The following FCHO2 variants were observed in gnomAD, a reference collection of about 807,000 sequenced individuals.
FCHO2 encodes F-BAR domain only protein 2.
Under a neutral mutation model 114.1 loss-of-function variants are expected in FCHO2, and 43 were observed. That is an observed-to-expected ratio of 0.38 (90% confidence interval 0.30 to 0.49). The LOEUF is 0.49. FCHO2 is among the 20% of genes least tolerant of loss of function. FCHO2 has a pLI of 0.97. For missense variants in FCHO2, 807 were observed against 950.4 expected (o/e 0.85, Z 1.98); for synonymous variants, 293 against 315.2 (o/e 0.93, Z 0.75).
At chr5:73,077,284 T>C (rs1246043856) in intron 20 of FCHO2, 54 bp from the exon 21 acceptor site, 1 of 1,508,026 alleles carries the variant, frequency 6.6e-7, no homozygotes, top group Non-Finnish European at 8.9e-7. Context: ...ACCAAATACT[T>C]TAAATAGAGA....
chr5:73,005,290 A>G (rs937594235), intron 5 of FCHO2, among the ~76,000 whole-genome samples: 1 of 152,156 alleles, frequency 6.6e-6, no homozygotes, highest in Non-Finnish European at 1.5e-5. Context: ...GGCTAAAGAT[A>G]ATTACATATT....
intron 18 of FCHO2, among the ~76,000 whole-genome samples, chr5:73,065,872 T>G (rs1742295741): frequency 6.6e-6 from 1 of 151,956 alleles, no homozygotes; most frequent in African/African-American, 2.4e-5. Context: ...CAGGTAATTT[T>G]TCTACCCTTA....
chr5:73,082,237 G>A (rs1247088472), intron 23 of FCHO2, among the ~76,000 whole-genome samples: 1 of 148,582 alleles, frequency 6.7e-6, no homozygotes, highest in East Asian at 2.0e-4. Context: ...CCATTAGGCA[G>A]AGTGCTTGAC....
At chr5:73,026,980 C>T (rs1489673969) in intron 8 of FCHO2, among the ~76,000 whole-genome samples, 4 of 150,494 alleles carry the variant, frequency 2.7e-5, no homozygotes, top group Non-Finnish European at 5.9e-5. Context: ...GTGTGAACCA[C>T]GGCACCTGGC....
At chr5:73,029,790 G>A (rs1756132124) in intron 8 of FCHO2, among the ~76,000 whole-genome samples, 1 of 152,054 alleles carries the variant, frequency 6.6e-6, no homozygotes, top group Non-Finnish European at 1.5e-5. Flanking sequence ...GATCTTGTGT[G>A]AAATAACTTA....
At position 73,008,459 on chromosome 5, in the gene FCHO2, A is replaced by C. The variant is rs553149124; in HGVS notation, c.600+1910A>C. On this transcript the variant is annotated intron_variant, in intron 6 of 25. Coordinates refer to ENST00000430046, the MANE Select transcript of FCHO2 (RefSeq NM_138782.3). ...ATCCCTTCCAGGTTTTAGCTTGTTA[A>C]ATCTATGTGGAGAGAGATGAATGGG... Among the ~76,000 whole-genome samples, 24 of 152,288 alleles carry C rather than the reference A, an allele frequency of 1.6e-4. 1 individual carries two copies. The South Asian group carries it at 4.8e-3, about 30-fold the overall frequency.
At chr5:73,076,855 T>C (rs1742929969) in intron 20 of FCHO2, among the ~76,000 whole-genome samples, 3 of 152,006 alleles carry the variant, frequency 2.0e-5, no homozygotes, top group African/African-American at 7.3e-5. Context: ...ACCAAAGGGG[T>C]CCAGTTGAGA....
chr5:73,004,177 A>C (rs1024426928), intron 5 of FCHO2, among the ~76,000 whole-genome samples: 7 of 152,146 alleles, frequency 4.6e-5, no homozygotes, highest in African/African-American at 1.7e-4. Context: ...AAAATCCAAA[A>C]GGAAACCCGG....
At chr5:73,075,955 A>G (rs1245899640) in intron 20 of FCHO2, among the ~76,000 whole-genome samples, 1 of 152,262 alleles carries the variant, frequency 6.6e-6, no homozygotes, top group East Asian at 1.9e-4. Context: ...GTTTGTAGAT[A>G]ATACTCAAAA....
rs115178085 is a variant in FCHO2 at position 73,006,696 on chromosome 5, C to T, written c.600+147C>T. The T allele has an allele frequency of 1.6e-3, 869 of 559,148 alleles. 5 individuals carry two copies. The highest frequency in any genetic ancestry group is 0.015 in the African/African-American group (746 of 50,522). The allele number at this position is 559,148 out of a possible 1,614,324, so 34.6% of individuals were successfully genotyped here. On this transcript the variant is annotated intron_variant, in intron 6 of 25. Transcript: ENST00000430046. ...ATGATGCTGTTTTAAAAATACATGT[C>T]GCGTTTTGGAGATTGAGGACCAAGA...
At chr5:73,021,062 C>T (rs1281768082) in intron 8 of FCHO2, 1 of 922,832 alleles carries the variant, frequency 1.1e-6, no homozygotes, top group Non-Finnish European at 1.8e-6. Context: ...ACCTGGTCCT[C>T]TCCCTCTGGA....
At chr5:73,065,859 CA>C (rs544702935) in intron 18 of FCHO2, among the ~76,000 whole-genome samples, 1 of 151,904 alleles carries the variant, frequency 6.6e-6, no homozygotes, top group Non-Finnish European at 1.5e-5. Flanking sequence ...ATATTGTACC[CA>C]ACAGGTAATT....
intron 6 of FCHO2, among the ~76,000 whole-genome samples, chr5:73,013,228 A>G (rs1269035647): frequency 6.6e-6 from 1 of 152,082 alleles, no homozygotes; most frequent in Admixed American, 6.6e-5. Flanking sequence ...GGGCTGTTGC[A>G]ATACTGCCGA....
intron 18 of FCHO2, among the ~76,000 whole-genome samples, chr5:73,067,244 A>G (rs1167393388): frequency 6.6e-6 from 1 of 152,092 alleles, no homozygotes; most frequent in Non-Finnish European, 1.5e-5. Flanking sequence ...AGGCAGTCAC[A>G]TTATGTTGGC....
intron 19 of FCHO2, among the ~76,000 whole-genome samples, chr5:73,070,407 A>T (rs1444901251): frequency 6.6e-6 from 1 of 152,096 alleles, no homozygotes; most frequent in Non-Finnish European, 1.5e-5. Flanking sequence ...AATATGTCTA[A>T]TAAGTTTGCC....
At position 73,068,726 on chromosome 5, in the gene FCHO2, C is replaced by G. The variant is rs1483683337; in HGVS notation, c.1526C>G (p.Ser509Cys). 3.7e-6 allele frequency: 6 copies of G among 1,612,160 alleles called. No homozygotes were observed. In the African/African-American group the frequency reaches 5.3e-5, roughly 14 times the overall value. The change falls in exon 19 of 26, where the codon TCT becomes TGT. Residue 509 changes from serine to cysteine, a missense_variant. Transcript: ENST00000430046. ...PAAPLARAES[S>C]SSISSSASLS... The stretch of plus-strand genomic sequence containing the variant: ...GCACCATTAGCCCGGGCAGAAAGTT[C>G]TTCTTCTATCTCATCATCTGCTTCA...
At chr5:73,051,987 G>A (rs569834223) in intron 12 of FCHO2, among the ~76,000 whole-genome samples, 4 of 151,776 alleles carry the variant, frequency 2.6e-5, no homozygotes, top group Middle Eastern at 3.4e-3. Flanking sequence ...GCAGTGGTGC[G>A]ATCTCGGCTC....
chr5:73,081,335 C>T (rs11743168), intron 22 of FCHO2, among the ~76,000 whole-genome samples: 45,252 of 151,982 alleles, frequency 0.3, 6,961 homozygotes, highest in East Asian at 0.44. Flanking sequence ...AAGTTGGAAG[C>T]ATTCTAATTC....
At chr5:73,086,667 T>C (rs1223707031) in intron 24 of FCHO2, among the ~76,000 whole-genome samples, 2 of 152,206 alleles carry the variant, frequency 1.3e-5, no homozygotes, top group Non-Finnish European at 2.9e-5. Context: ...CTCCCAACCT[T>C]GCATCTTGTG....
Sources: gnomAD v4.1 joint callset for allele counts (sites outside exome capture counted in the v4.1 genomes callset) on GRCh38, gnomAD v4.1.1 for gene constraint, MANE v1.5 for transcripts, NCBI Gene and HGNC (gene_info 2026-07-23, HGNC 2026-07-21) for gene names.